The following KHNYN variants were observed in gnomAD, a reference collection of about 807,000 sequenced individuals.
KHNYN encodes protein KHNYN.
KHNYN carries 42 observed loss-of-function variants against 62.7 expected under a neutral mutation model. The ratio of observed to expected loss-of-function variants is 0.67; its 90% CI spans 0.52 to 0.87. KHNYN has a LOEUF of 0.87. Among genes scored for constraint, KHNYN ranks in the 40% least tolerant of loss-of-function variants. The probability of loss-of-function intolerance (pLI) is 0.00; values close to 1 mark genes in which losing one functional copy is unlikely to be tolerated. For missense variants in KHNYN, 829 were observed against 874.1 expected (o/e 0.95, Z 0.65); for synonymous variants, 347 against 345.6 (o/e 1.00, Z -0.04).
intron 5 of KHNYN, chr14:24,435,709 G>A (rs2043194527): frequency 3.6e-6 from 1 of 274,728 alleles, no homozygotes; most frequent in African/African-American, 2.2e-5. Context: ...TGGCAGATAG[G>A]ATGCTACTGG....
upstream of KHNYN, chr14:24,429,680 G>A (rs2043068176): frequency 1.0e-6 from 1 of 984,708 alleles, no homozygotes; most frequent in African/African-American, 1.7e-5. Flanking sequence ...CTGCCTCTTT[G>A]GTCGGCCACA....
In KHNYN at chr14:24,438,378, G is replaced by GTGC. The variant is rs2043240827; in HGVS notation, c.*1094_*1095insGCT. The GTGC allele has an allele frequency of 6.6e-6, 1 of 152,632 alleles. No homozygotes were observed. Among genetic ancestry groups the GTGC allele is most frequent in the Non-Finnish European group, 1.5e-5 (1 of 68,038 alleles). The allele number at this position is 152,632 out of a possible 1,614,324, so 9.5% of individuals were successfully genotyped here. ...AACATTTTCTCTATGGAAGACGTAT[G>GTGC]TTGCATAAAGCAAGGCACACTTCTG... On this transcript the variant is annotated 3_prime_UTR_variant, in exon 8 of 8. Coordinates refer to ENST00000553935, the MANE Select transcript of KHNYN (RefSeq NM_015299.3).
At position 24,430,958 on chromosome 14, in the gene KHNYN, C is replaced by G. The variant is rs1037993959; in HGVS notation, c.201+27C>G. 2.5e-6 allele frequency: 4 copies of G among 1,592,746 alleles called. No homozygotes were observed. The East Asian group carries it at 9.0e-5, about 36-fold the overall frequency. The stretch of plus-strand genomic sequence containing the variant: ...TGAACGCCTTCTCTCCCCCATCCCT[C>G]CAGGCACCAAGGACGCTTTCCCCCA... On this transcript the variant is annotated intron_variant, in intron 2 of 7. Coordinates refer to ENST00000553935, the MANE Select transcript of KHNYN (RefSeq NM_015299.3).
At chr14:24,425,452 C>T (rs1443374046), upstream of KHNYN, among the ~76,000 whole-genome samples, 5 of 152,274 alleles carry the variant, frequency 3.3e-5, 1 homozygote, top group Admixed American at 1.3e-4. Flanking sequence ...CTTCCTCCTT[C>T]CTGTTAGGCT....
At chr14:24,425,158 A>G (rs1251647683), upstream of KHNYN, among the ~76,000 whole-genome samples, 2 of 152,248 alleles carry the variant, frequency 1.3e-5, no homozygotes, top group Middle Eastern at 3.4e-3. Context: ...CTGAAATTGC[A>G]CCACTGCACT....
intron 5 of KHNYN, among the ~76,000 whole-genome samples, chr14:24,434,647 C>T (rs1362256212): frequency 1.3e-5 from 2 of 152,338 alleles, no homozygotes; most frequent in South Asian, 2.1e-4. Context: ...TCATGATCCG[C>T]CCACCTCAGC....
Position 24,440,031 on chromosome 14 carries a change from C to G in KHNYN, c.*2746C>G. On this transcript the variant is annotated 3_prime_UTR_variant, in exon 8 of 8. Transcript: ENST00000553935. ...AGAGGAGCTGAGCCTATTCACAGTGCCTAACCTGGAAGCCTGTGAGGAACA... is the reference window on the plus strand; with the variant it reads ...AGAGGAGCTGAGCCTATTCACAGTGGCTAACCTGGAAGCCTGTGAGGAACA... 6.7e-7 allele frequency: 1 copy of G among 1,485,202 alleles called. No homozygotes were observed. Among genetic ancestry groups the G allele is most frequent in the Non-Finnish European group, 9.1e-7 (1 of 1,099,532 alleles). The allele number at this position is 1,485,202 out of a possible 1,614,324, so 92.0% of individuals were successfully genotyped here.
chr14:24,430,387 G>C, intron 1 of KHNYN: 4 of 1,048,266 alleles, frequency 3.8e-6, no homozygotes, highest in Non-Finnish European at 4.7e-6. Flanking sequence ...TCCTTAAGAA[G>C]CTTCAGAGTG....
Position 24,440,531 on chromosome 14 carries a change from G to A in KHNYN, c.*3246G>A. The A allele has an allele frequency of 6.4e-7, 1 of 1,564,566 alleles. No individual in the cohort carries two copies. The highest frequency in any genetic ancestry group is 8.7e-7 in the Non-Finnish European group (1 of 1,153,664). ...GAGGGAAGGTACAGGGGTCCTCTCA[G>A]CCTTGAAGGAGCCCACTGCTCCTCC... On this transcript the variant is annotated 3_prime_UTR_variant, in exon 8 of 8. Transcript: ENST00000553935.
In KHNYN at chr14:24,431,459, C is replaced by T. The variant is rs2043110600; in HGVS notation, c.202-4C>T. The stretch of plus-strand genomic sequence containing the variant: ...TTTCCTGACCTTCCCTTCCTCCCAA[C>T]CAGGAGTACCTGAAGGGCCTCTGCA... On this transcript the variant is annotated splice_polypyrimidine_tract_variant and splice_region_variant and intron_variant, in intron 2 of 7. Transcript: ENST00000553935. 1.3e-6 allele frequency: 2 copies of T among 1,553,106 alleles called. No homozygotes were observed. The highest frequency in any genetic ancestry group is 1.7e-6 in the Non-Finnish European group (2 of 1,144,956).
upstream of KHNYN, chr14:24,428,466 T>C (rs1184882304): frequency 1.9e-6 from 3 of 1,598,182 alleles, no homozygotes; most frequent in Admixed American, 1.7e-5. Context: ...AGGGGTACCA[T>C]GGGGACTAGG....
chr14:24,427,736 G>T, upstream of KHNYN: 1 of 1,540,558 alleles, frequency 6.5e-7, no homozygotes, highest in Non-Finnish European at 9.0e-7. This position sits in a 1 kb window ranked among gnomAD's most constrained non-coding sequence, Gnocchi z 4.4. Flanking sequence ...GGCAAGAGAG[G>T]GCAGAAGAAA....
At position 24,432,705 on chromosome 14, in the gene KHNYN, AC is replaced by A. The variant is rs1250530905; in HGVS notation, c.1350-12del. 33 of 1,613,480 alleles carry A rather than the reference AC, an allele frequency of 2.0e-5. No homozygotes were observed. Among genetic ancestry groups the A allele is most frequent in the Non-Finnish European group, 2.7e-5 (32 of 1,179,844 alleles). On this transcript the variant is annotated splice_polypyrimidine_tract_variant and intron_variant, in intron 3 of 7. Coordinates refer to ENST00000553935, the MANE Select transcript of KHNYN (RefSeq NM_015299.3). This position sits in a 1 kb window ranked among gnomAD's most constrained non-coding sequence, Gnocchi z 5.6. ...GGGTGCCAAGCCCCTCCTCTGGCCGACCCCCTCCCACTACAGGCATGGCCTC... is the reference window on the plus strand; with the variant it reads ...GGGTGCCAAGCCCCTCCTCTGGCCGACCCCTCCCACTACAGGCATGGCCTC...
Position 24,440,625 on chromosome 14 carries a change from G to A in KHNYN, c.*3340G>A, listed in dbSNP as rs542953228. 2.2e-6 allele frequency: 3 copies of A among 1,358,392 alleles called. No individual in the cohort carries two copies. The highest frequency in any genetic ancestry group is 3.1e-6 in the Non-Finnish European group (3 of 981,906). The allele number at this position is 1,358,392 out of a possible 1,614,324, so 84.1% of individuals were successfully genotyped here. A position where few individuals can be genotyped will look rare whatever the true frequency, so the allele number is the denominator to read the frequency against. On this transcript the variant is annotated 3_prime_UTR_variant, in exon 8 of 8. Transcript: ENST00000553935. ...CTCTGTAACAGAAGTGAGCAGTATG[G>A]CTGTCTTTAAGACCTCACACCTTCT... is the stretch of plus-strand genomic sequence containing the variant.
chr14:24,435,072 C>T (rs1433745338), intron 5 of KHNYN, among the ~76,000 whole-genome samples: 1 of 152,210 alleles, frequency 6.6e-6, no homozygotes, highest in African/African-American at 2.4e-5. Flanking sequence ...CCCATCACTT[C>T]ATGAGTCCTA....
chr14:24,431,422 A>C (rs1386253621), intron 2 of KHNYN, 41 bp from the exon 3 acceptor site: 1 of 1,505,984 alleles, frequency 6.6e-7, no homozygotes, highest in Non-Finnish European at 9.0e-7. Flanking sequence ...GATCTGGGCC[A>C]GTTAGTTTAC....
rs945876241 is a variant in KHNYN, at chr14:24,440,241, T to C, written c.*2956T>C. On this transcript the variant is annotated 3_prime_UTR_variant, in exon 8 of 8. Coordinates refer to ENST00000553935, the MANE Select transcript of KHNYN (RefSeq NM_015299.3). ...TGCACCACAGCGCTGGGGAGAGGGA[T>C]GAAGGCTCGGCGGCCCAGGGCAGCA... 1.2e-6 allele frequency: 2 copies of C among 1,613,724 alleles called. No homozygotes were observed. The highest frequency in any genetic ancestry group is 1.7e-5 in the Admixed American group (1 of 59,996).
At chr14:24,430,362 C>G in intron 1 of KHNYN, 1 of 896,368 alleles carries the variant, frequency 1.1e-6, no homozygotes, top group Non-Finnish European at 1.4e-6. Context: ...AGTTCAATCC[C>G]CTGCTGAGGA....
rs34313180 is a variant in KHNYN at position 24,439,027 on chromosome 14, CAA to C, written c.*1744_*1745del. 0.14 allele frequency: 20,757 copies of C among 151,980 alleles called. 2,823 individuals carry two copies. Among genetic ancestry groups the C allele is most frequent in the African/African-American group, 0.35 (14,430 of 41,302 alleles). The allele number at this position is 151,980 out of a possible 1,614,324, so 9.4% of individuals were successfully genotyped here. ...GCAGGTGTGTTGGAGACAGGCTGGT[CAA>C]AGAGGTGACAATGATTAAGAGATAA... On this transcript the variant is annotated 3_prime_UTR_variant, in exon 8 of 8. Coordinates refer to ENST00000553935, the MANE Select transcript of KHNYN (RefSeq NM_015299.3).
Sources: gnomAD v4.1 joint callset for allele counts (sites outside exome capture counted in the v4.1 genomes callset) on GRCh38, gnomAD v4.1.1 for gene constraint, Gnocchi (gnomAD v3.1) non-coding constraint, MANE v1.5 for transcripts, NCBI Gene and HGNC (gene_info 2026-07-23, HGNC 2026-07-21) for gene names.